The following AK7 variants were observed in gnomAD, a reference collection of about 807,000 sequenced individuals.
AK7 encodes ATP-AMP transphosphorylase 7.
In AK7, 78 loss-of-function variants were observed where a neutral mutation model predicts 96.6. The observed-to-expected ratio is 0.81, with a 90% CI of 0.67 to 0.97. The LOEUF (loss-of-function observed/expected upper bound fraction) is 0.97, where lower values mean the gene tolerates loss of function less well. AK7 is among the 50% of genes least tolerant of loss of function. The pLI, the probability that AK7 is intolerant of heterozygous loss-of-function variation, is 0.00. For synonymous variants in AK7, 302 were observed against 317.2 expected, an observed-to-expected ratio of 0.95 and a Z score of 0.51; for missense variants, 855 against 887.9, an observed-to-expected ratio of 0.96 and a Z score of 0.47.
chr14:96,392,289 C>G, intron 1 of AK7, 30 bp downstream of exon 1: 2 of 1,571,172 alleles, frequency 1.3e-6, no homozygotes, highest in South Asian at 2.2e-5. Context: ...CAGAGCCTCA[C>G]GCCAGCTCTC....
intron 15 of AK7, among the ~76,000 whole-genome samples, chr14:96,481,014 T>C (rs1895475182): frequency 6.6e-6 from 1 of 152,136 alleles, no homozygotes; most frequent in African/African-American, 2.4e-5. Flanking sequence ...CTCTCTTTCT[T>C]TGGGCCAGTG....
intron 4 of AK7, among the ~76,000 whole-genome samples, chr14:96,417,105 T>C (rs1595387183): frequency 6.6e-6 from 1 of 151,630 alleles, no homozygotes; most frequent in Admixed American, 6.6e-5. Flanking sequence ...GCAAGGAGGG[T>C]GGGTTAGGTG....
chr14:96,456,763 GT>G (rs1893936426), intron 11 of AK7: 1 of 270,854 alleles, frequency 3.7e-6, no homozygotes, highest in Non-Finnish European at 7.2e-6. Flanking sequence ...GAACACAAGT[GT>G]GTGTTTGTGT....
At chr14:96,438,060 A>T (rs544109987) in intron 6 of AK7, 145 bp downstream of exon 6, 1 of 582,626 alleles carries the variant, frequency 1.7e-6, no homozygotes, top group South Asian at 2.6e-5. Context: ...CACCACAAAG[A>T]CCTACGTTTC....
At chr14:96,483,552 G>A (rs1341838455) in intron 16 of AK7, among the ~76,000 whole-genome samples, 2 of 151,918 alleles carry the variant, frequency 1.3e-5, no homozygotes, top group African/African-American at 4.8e-5. Context: ...CTCCCCAGTG[G>A]CTGGGACTAC....
chr14:96,412,205 ACTTT>A (rs1891070491), intron 4 of AK7, among the ~76,000 whole-genome samples: 1 of 147,790 alleles, frequency 6.8e-6, no homozygotes, highest in Non-Finnish European at 1.5e-5. Context: ...GACTCCTGGT[ACTTT>A]CTTCCTTTCT....
intron 15 of AK7, among the ~76,000 whole-genome samples, chr14:96,480,564 C>G (rs753252164): frequency 6.6e-6 from 1 of 152,088 alleles, no homozygotes; most frequent in Admixed American, 6.6e-5. Context: ...TATGTAAAAG[C>G]TAAGGGTTCT....
chr14:96,459,334 T>A (rs1849879427), intron 12 of AK7, among the ~76,000 whole-genome samples: 1 of 150,952 alleles, frequency 6.6e-6, no homozygotes, highest in African/African-American at 2.4e-5. Flanking sequence ...CAAGACTCCA[T>A]CTCAAAAAAA....
intron 11 of AK7, 128 bp from the exon 12 acceptor site, chr14:96,457,955 T>C (rs944614660): frequency 2.3e-6 from 3 of 1,322,452 alleles, no homozygotes; most frequent in Non-Finnish European, 3.1e-6. Context: ...AAATTTTGCA[T>C]GACAGCTGTC....
chr14:96,483,448 G>T (rs1188164984), intron 16 of AK7, among the ~76,000 whole-genome samples: 1 of 151,496 alleles, frequency 6.6e-6, no homozygotes, highest in Non-Finnish European at 1.5e-5. Flanking sequence ...TTGAGACAGG[G>T]TCTGGCTCTG....
rs1010974357 is a variant in AK7 at position 96,458,742 on chromosome 14, CA to C, written c.1357+549del. Among the ~76,000 whole-genome samples, 605 of 89,902 alleles carry C rather than the reference CA, an allele frequency of 6.7e-3. 2 individuals carry two copies. Among genetic ancestry groups the C allele is most frequent in the South Asian group, 0.031 (97 of 3,094 alleles). The allele number at this position is 89,902 out of a possible 152,430, so 59.0% of individuals were successfully genotyped here. ...GGGCAACAAGAGTGAAACTCTGTCT[CA>C]AAAAAAAAAAAAAAAAAATTAGCTG... On this transcript the variant is annotated intron_variant, in intron 12 of 17. Coordinates refer to ENST00000267584, the MANE Select transcript of AK7 (RefSeq NM_152327.5).
At position 96,449,878 on chromosome 14, in the gene AK7, C is replaced by A. The variant is rs746679886; in HGVS notation, c.947C>A (p.Thr316Lys). Residue 316 changes from threonine (T) to lysine (K), a missense_variant and splice_region_variant, in exon 9 of 18, where the codon ACG becomes AAG. Thr to Lys is a moderately conservative substitution (Grantham distance 78, BLOSUM62 -1). Coordinates refer to ENST00000267584, the MANE Select transcript of AK7 (RefSeq NM_152327.5). ...AATGCATACCTAACCAAGGACTTAA[C>A]GGTTAGTATATGCGGTGTTTTTTTT... ...RENAYLTKDL[T>K]QDCLDHLLVN... 9 of 1,584,066 alleles carry A rather than the reference C, an allele frequency of 5.7e-6. No homozygotes were observed. The highest frequency in any genetic ancestry group is 7.7e-6 in the Non-Finnish European group (9 of 1,163,776).
Position 96,446,557 on chromosome 14 carries a change from T to C in AK7, c.820T>C (p.Tyr274His). The change falls in exon 8 of 18, where the codon TAC becomes CAC. Residue 274 changes from tyrosine (Y) to histidine (H), a missense_variant. Coordinates refer to ENST00000267584, the MANE Select transcript of AK7 (RefSeq NM_152327.5). ...CATAGATCACGTGCCAAAGCCTCACTACCTGGTTGCTGTGGATGAGTCTGT... is the reference window on the plus strand; with the variant it reads ...CATAGATCACGTGCCAAAGCCTCACCACCTGGTTGCTGTGGATGAGTCTGT... The part of the protein sequence containing the change: ...NVIDHVPKPH[Y>H]LVAVDESVHT... 1.2e-6 allele frequency: 2 copies of C among 1,614,182 alleles called. No individual in the cohort carries two copies. The highest frequency in any genetic ancestry group is 1.7e-6 in the Non-Finnish European group (2 of 1,180,022).
At chr14:96,465,118 A>C (rs1012669537) in intron 12 of AK7, among the ~76,000 whole-genome samples, 2 of 152,222 alleles carry the variant, frequency 1.3e-5, no homozygotes, top group Non-Finnish European at 2.9e-5. Flanking sequence ...ACTTGCTTTC[A>C]AGAATAATGC....
At chr14:96,458,912 C>CAAA (rs780061684) in intron 12 of AK7, among the ~76,000 whole-genome samples, 4 of 23,518 alleles carry the variant, frequency 1.7e-4, no homozygotes, top group African/African-American at 3.1e-4. Context: ...CCTGTCTCAA[C>CAAA]AAAAAAAAAA....
Position 96,457,262 on chromosome 14 carries a change from T to C in AK7, c.1227+787T>C, listed in dbSNP as rs1438162631. The stretch of plus-strand genomic sequence containing the variant: ...TTTTAGTAGAGACGGGGTTTCACCA[T>C]GTTGGCCAGGCTGGTCTTGAACTCC... On this transcript the variant is annotated intron_variant, in intron 11 of 17. Transcript: ENST00000267584. 2.6e-5 allele frequency among the ~76,000 whole-genome samples: 4 copies of C among 152,142 alleles called. No individual in the cohort carries two copies. In the East Asian group the frequency reaches 7.7e-4, roughly 29 times the overall value.
intron 7 of AK7, among the ~76,000 whole-genome samples, 180 bp from the exon 8 acceptor site, chr14:96,446,337 A>G (rs912853142): frequency 6.6e-6 from 1 of 152,176 alleles, no homozygotes; most frequent in Admixed American, 6.5e-5. Flanking sequence ...ACCCTTTAGC[A>G]TCTTCCTCAT....
chr14:96,432,643 AGCTTAGTTTG>A (rs1404101743), intron 5 of AK7, among the ~76,000 whole-genome samples: 2 of 151,890 alleles, frequency 1.3e-5, no homozygotes, highest in Non-Finnish European at 2.9e-5. Context: ...TCACTTACGA[AGCTTAGTTTG>A]GCTGGATATG....
chr14:96,427,495 C>T (rs1327309533), intron 5 of AK7, among the ~76,000 whole-genome samples: 1 of 152,216 alleles, frequency 6.6e-6, no homozygotes, highest in African/African-American at 2.4e-5. Flanking sequence ...GTAAATATGG[C>T]TCCATGAGCC....
Sources: allele counts gnomAD v4.1 joint callset (sites outside exome capture counted in the v4.1 genomes callset), GRCh38; gene constraint gnomAD v4.1.1; transcripts MANE v1.5; gene names NCBI Gene and HGNC (gene_info 2026-07-23, HGNC 2026-07-21).